HACE1: variants seen among roughly 807,000 people sequenced by gnomAD.
The protein encoded by HACE1 is E3 ubiquitin-protein ligase HACE1.
Under a neutral mutation model 118.4 loss-of-function variants are expected in HACE1, and 73 were observed. That is an observed-to-expected ratio of 0.62 (90% CI 0.51 to 0.75). HACE1 has a LOEUF of 0.75. Ranked by LOEUF, HACE1 falls within the 30% of genes least tolerant of loss-of-function variation. The pLI is 0.00. For missense variants in HACE1, 749 were observed against 1,102.2 expected (o/e 0.68, Z 4.54); for synonymous variants, 368 against 374.8 (o/e 0.98, Z 0.21).
chr6:104,788,597 T>C (rs12212936), intron 11 of HACE1, among the ~76,000 whole-genome samples: 16,704 of 152,084 alleles, frequency 0.11, 960 homozygotes, highest in East Asian at 0.15. Context: ...AGTTAAAAGT[T>C]TCACAATCTT....
intron 7 of HACE1, among the ~76,000 whole-genome samples, chr6:104,797,326 T>C (rs1269820131): frequency 6.6e-6 from 1 of 151,778 alleles, no homozygotes; most frequent in Non-Finnish European, 1.5e-5. Context: ...TTTTTTTTCT[T>C]ACATTCACTT....
chr6:104,787,787 A>G (rs1318336885), intron 11 of HACE1, among the ~76,000 whole-genome samples: 3 of 152,222 alleles, frequency 2.0e-5, no homozygotes, highest in African/African-American at 7.2e-5. Flanking sequence ...AAATAACACC[A>G]AAGAAAAAAA....
At chr6:104,757,595 G>A (rs1391092441) in intron 19 of HACE1, among the ~76,000 whole-genome samples, 1 of 152,130 alleles carries the variant, frequency 6.6e-6, no homozygotes, top group Non-Finnish European at 1.5e-5. Flanking sequence ...GGAGAAACCA[G>A]AGCAGAAAGG....
intron 1 of HACE1, among the ~76,000 whole-genome samples, chr6:104,853,607 C>T (rs540782811): frequency 6.6e-6 from 1 of 152,218 alleles, no homozygotes; most frequent in Non-Finnish European, 1.5e-5. Context: ...AAGATATTTA[C>T]ACAGTATCAA....
chr6:104,780,465 C>T (rs1280267172), intron 14 of HACE1: 3 of 349,126 alleles, frequency 8.6e-6, no homozygotes, highest in Non-Finnish European at 1.7e-5. Context: ...CACCTGAAAA[C>T]CACCAACAGA....
Position 104,784,154 on chromosome 6 carries a change from C to A in HACE1, c.1498G>T (p.Asp500Tyr). The change falls in exon 14 of 24, where the codon GAC becomes TAC. Residue 500 changes from aspartate to tyrosine, a missense_variant. Asp to Tyr is a radical substitution (Grantham distance 160, BLOSUM62 -3). This residue lies in a region of HACE1 where 195 missense variants were observed against 322.1 expected (regional missense o/e 0.61). Transcript: ENST00000262903. ...FVNRNPKIIF[D>Y]HFHFLLECPE... ...CATTCAAGGAGAAAGTGAAAGTGGT[C>A]AAATATAATTTTGGGATTTCTAAAA... 2 of 1,590,260 alleles carry A rather than the reference C, an allele frequency of 1.3e-6. No individual in the cohort carries two copies. The highest frequency in any genetic ancestry group is 2.2e-5 in the South Asian group (2 of 90,508).
chr6:104,765,053 T>A (rs575678440), intron 19 of HACE1, among the ~76,000 whole-genome samples: 1 of 152,362 alleles, frequency 6.6e-6, no homozygotes, highest in African/African-American at 2.4e-5. Flanking sequence ...GTGTTATATT[T>A]ATTCTTCACT....
chr6:104,823,226 G>A (rs1438752802), intron 6 of HACE1, among the ~76,000 whole-genome samples: 1 of 152,112 alleles, frequency 6.6e-6, no homozygotes, highest in Non-Finnish European at 1.5e-5. Flanking sequence ...CTGAGGTCAG[G>A]AGTTCAAGAT....
chr6:104,847,842 G>C (rs1340067988), intron 4 of HACE1, among the ~76,000 whole-genome samples: 2 of 151,904 alleles, frequency 1.3e-5, no homozygotes, highest in Non-Finnish European at 2.9e-5. Flanking sequence ...TTTTGAGACA[G>C]AGTTTCCCTC....
intron 4 of HACE1, among the ~76,000 whole-genome samples, chr6:104,844,600 C>G (rs555442274): frequency 6.6e-6 from 1 of 151,910 alleles, no homozygotes. Flanking sequence ...CCCCACCCCC[C>G]CAAGCCTCCC....
intron 19 of HACE1, 66 bp downstream of exon 19, chr6:104,771,127 G>A: frequency 8.8e-7 from 1 of 1,130,474 alleles, no homozygotes; most frequent in Non-Finnish European, 1.4e-6. Context: ...GAAGAATTTA[G>A]AGTAACTAGC....
chr6:104,834,018 C>A (rs1384250750), intron 5 of HACE1, among the ~76,000 whole-genome samples: 2 of 152,068 alleles, frequency 1.3e-5, no homozygotes, highest in East Asian at 1.9e-4. Flanking sequence ...GTGGCATACA[C>A]CTATGGTCCT....
At chr6:104,850,852 G>T in intron 3 of HACE1, 55 bp downstream of exon 3, 1 of 1,044,928 alleles carries the variant, frequency 9.6e-7, no homozygotes, top group African/African-American at 1.6e-5. Context: ...GCTGTTCAAA[G>T]CTTACTGATC....
rs1218426639 is a variant in HACE1 at position 104,849,930 on chromosome 6, G to A, written c.222-684C>T. On this transcript the variant is annotated intron_variant, in intron 3 of 23. Transcript: ENST00000262903. ...CTCCCAAAGTGCTAGGATTACAGGC[G>A]TAAGCCACCACGCCCGTCCTTTTTT... Among the ~76,000 whole-genome samples the A allele has an allele frequency of 6.8e-5, 10 of 147,386 alleles. 1 individual carries two copies. In the South Asian group the frequency reaches 1.7e-3, roughly 25 times the overall value.
chr6:104,792,174 C>T (rs1783091217), intron 10 of HACE1, among the ~76,000 whole-genome samples: 1 of 152,152 alleles, frequency 6.6e-6, no homozygotes, highest in South Asian at 2.1e-4. Flanking sequence ...ATAGAACATT[C>T]ACAAATTGAA....
chr6:104,840,894 T>C (rs1775051659), intron 5 of HACE1, among the ~76,000 whole-genome samples: 1 of 152,104 alleles, frequency 6.6e-6, no homozygotes, highest in Non-Finnish European at 1.5e-5. Context: ...ACCCGGTAAG[T>C]GGAGGGTGCA....
At chr6:104,775,630 T>C (rs929334004) in intron 17 of HACE1, among the ~76,000 whole-genome samples, 52 of 152,322 alleles carry the variant, frequency 3.4e-4, no homozygotes, top group African/African-American at 1.2e-3. Context: ...GAACTCGTCA[T>C]TCACAAAGAC....
intron 21 of HACE1, 102 bp downstream of exon 21, chr6:104,744,408 CTT>C (rs1777179142): frequency 1.2e-6 from 1 of 837,234 alleles, no homozygotes; most frequent in African/African-American, 1.7e-5. Flanking sequence ...TGGGTAAACA[CTT>C]TACTTTGTTA....
chr6:104,815,510 C>A (rs1367502588), intron 6 of HACE1, among the ~76,000 whole-genome samples: 1 of 136,056 alleles, frequency 7.3e-6, no homozygotes, highest in Non-Finnish European at 1.6e-5. Flanking sequence ...TATAGGCGTG[C>A]GCCACCACAC....
Sources: allele counts gnomAD v4.1 joint callset (sites outside exome capture counted in the v4.1 genomes callset), GRCh38; gene constraint gnomAD v4.1.1; regional missense constraint gnomAD v4.1.1; transcripts MANE v1.5; gene names NCBI Gene and HGNC (gene_info 2026-07-23, HGNC 2026-07-21).